ZNF805: variants seen among roughly 807,000 people sequenced by gnomAD.
ZNF805 encodes CTC-444N24.8.
Under a neutral mutation model 13.6 loss-of-function variants are expected in ZNF805, and 7 were observed. The observed-to-expected ratio is 0.51, with a 90% confidence interval of 0.29 to 0.97. ZNF805 has a LOEUF of 0.97. Ranked by LOEUF, ZNF805 falls within the 50% of genes least tolerant of loss-of-function variation. The pLI is 0.08. For missense variants in ZNF805, 604 were observed against 771.0 expected (o/e 0.78, Z 2.57); for synonymous variants, 293 against 279.8 (o/e 1.05, Z -0.47).
chr19:57,254,787 C>G lies in ZNF805; in HGVS notation c.*84C>G. 5 of 1,386,752 alleles carry G rather than the reference C, an allele frequency of 3.6e-6. No individual in the cohort carries two copies. The highest frequency in any genetic ancestry group is 4.9e-6 in the Non-Finnish European group (5 of 1,028,876). 85.9% of individuals were successfully genotyped at this position (1,386,752 alleles called of 1,614,324 possible). On this transcript the variant is annotated 3_prime_UTR_variant, in exon 4 of 4. Coordinates refer to ENST00000414468, the MANE Select transcript of ZNF805 (RefSeq NM_001023563.4). ...GCAGCTTAGAGCCTTATTCTCCATC[C>G]GAATTCATCCTGGAAAAACACCCAG...
At chr19:57,244,853 G>A (rs10426580) in intron 2 of ZNF805, among the ~76,000 whole-genome samples, 70,520 of 151,994 alleles carry the variant, frequency 0.46, 17,053 homozygotes, top group Non-Finnish European at 0.53. Flanking sequence ...TCTGGCCTCT[G>A]TGGGGCGTGT....
chr19:57,261,240 A>T lies in ZNF805; in HGVS notation c.*6537A>T, dbSNP rs1022320798. The T allele has an allele frequency of 6.0e-6, 1 of 167,104 alleles. No homozygotes were observed. Among genetic ancestry groups the T allele is most frequent in the Non-Finnish European group, 1.5e-5 (1 of 68,138 alleles). The allele number at this position is 167,104 out of a possible 1,614,324, so 10.4% of individuals were successfully genotyped here. Reference sequence around the variant, plus strand: ...TTGGCCATTCCTTCAAGCAAATGAGATAAACCAGACTCACTCTTTAATGCC... The same window carrying T: ...TTGGCCATTCCTTCAAGCAAATGAGTTAAACCAGACTCACTCTTTAATGCC... On this transcript the variant is annotated 3_prime_UTR_variant, in exon 4 of 4. Transcript: ENST00000414468.
intron 3 of ZNF805, among the ~76,000 whole-genome samples, chr19:57,250,870 A>G (rs1490645069): frequency 6.6e-6 from 1 of 152,008 alleles, no homozygotes; most frequent in Non-Finnish European, 1.5e-5. Flanking sequence ...TTTTTTCAAG[A>G]GTTTATATTA....
Position 57,253,477 on chromosome 19 carries a change from C to T in ZNF805, c.658C>T (p.Arg220Trp), listed in dbSNP as rs768164594. Residue 220 changes from arginine to tryptophan, a missense_variant, in exon 4 of 4, where the codon CGG becomes TGG. Arg to Trp is a moderately radical substitution (Grantham distance 101). Coordinates refer to ENST00000414468, the MANE Select transcript of ZNF805 (RefSeq NM_001023563.4). This position sits in a 1 kb window ranked among gnomAD's most constrained non-coding sequence, Gnocchi z 4.4. ...GTTTAACAAGAAACGCCTGCTTGCT[C>T]GGCATGAGAGGATTCACTCTGGAGT... ...KVFNKKRLLA[R>W]HERIHSGVKP... is the part of the protein sequence containing the mutation. 9.1e-5 allele frequency: 145 copies of T among 1,600,620 alleles called. No individual in the cohort carries two copies. The highest frequency in any genetic ancestry group is 1.2e-4 in the Non-Finnish European group (137 of 1,172,970).
rs1325186089 is a variant in ZNF805, at chr19:57,256,035, T to TTA, written c.*1333_*1334dup. On this transcript the variant is annotated 3_prime_UTR_variant, in exon 4 of 4. Transcript: ENST00000414468. ...TTTGCTGGGATTTTTTTGGTTATTA[T>TTA]TAATAAGTGTTGAATTTTGTCATAT... Among the ~76,000 whole-genome samples, 1 of 152,148 alleles carries TTA rather than the reference T, an allele frequency of 6.6e-6. No individual in the cohort carries two copies. Among genetic ancestry groups the TTA allele is most frequent in the African/African-American group, 2.4e-5 (1 of 41,454 alleles).
At position 57,254,738 on chromosome 19, in the gene ZNF805, T is replaced by G; in HGVS notation, c.*35T>G. The stretch of plus-strand genomic sequence containing the variant: ...CTGTTGCCAAATGTCATTTGTCACC[T>G]AAGGAGTCATATTAGAAAATCACGC... On this transcript the variant is annotated 3_prime_UTR_variant, in exon 4 of 4. Transcript: ENST00000414468. The G allele has an allele frequency of 6.4e-7, 1 of 1,555,052 alleles. No homozygotes were observed. Among genetic ancestry groups the G allele is most frequent in the Non-Finnish European group, 8.7e-7 (1 of 1,150,200 alleles).
At chr19:57,251,034 A>G (rs951198671) in intron 3 of ZNF805, among the ~76,000 whole-genome samples, 1 of 152,220 alleles carries the variant, frequency 6.6e-6, no homozygotes, top group African/African-American at 2.4e-5. Flanking sequence ...TCATATATTC[A>G]TTCACTGTCT....
intron 3 of ZNF805, among the ~76,000 whole-genome samples, chr19:57,250,952 C>T (rs1253811083): frequency 3.9e-5 from 6 of 151,938 alleles, no homozygotes; most frequent in Non-Finnish European, 4.4e-5. Context: ...CTGTACTCAA[C>T]ATAAAAATAT....
rs2087612048 is a variant in ZNF805, at chr19:57,245,660, T to C, written c.157+1611T>C. Among the ~76,000 whole-genome samples, 3 of 150,550 alleles carry C rather than the reference T, an allele frequency of 2.0e-5. 1 individual carries two copies. Among genetic ancestry groups the C allele is most frequent in the South Asian group, 2.1e-4 (1 of 4,724 alleles). ...CGGGCGTGGTGGCGGGTGCCTGTAGTCCCAGCTACTCGGGAGGCTGAGGCA... is the reference window on the plus strand; with the variant it reads ...CGGGCGTGGTGGCGGGTGCCTGTAGCCCCAGCTACTCGGGAGGCTGAGGCA... On this transcript the variant is annotated intron_variant, in intron 2 of 3. Coordinates refer to ENST00000414468, the MANE Select transcript of ZNF805 (RefSeq NM_001023563.4).
At chr19:57,247,371 G>A (rs975596332) in intron 2 of ZNF805, among the ~76,000 whole-genome samples, 4 of 152,156 alleles carry the variant, frequency 2.6e-5, no homozygotes, top group African/African-American at 4.8e-5. Flanking sequence ...TCTGGTGCTC[G>A]TGGTTTCCTC....
Position 57,258,614 on chromosome 19 carries a change from A to G in ZNF805, c.*3911A>G, listed in dbSNP as rs1465185792. On this transcript the variant is annotated 3_prime_UTR_variant, in exon 4 of 4. Transcript: ENST00000414468. ...TATGAAAAATTTAGCACTTTGATGT[A>G]TAGAAACCTTACTTGGTCCCTTCAC... 8.1e-6 allele frequency among the ~76,000 whole-genome samples: 1 copy of G among 122,974 alleles called. No homozygotes were observed. The highest frequency in any genetic ancestry group is 2.0e-5 in the Non-Finnish European group (1 of 51,188). 80.7% of individuals were successfully genotyped at this position (122,974 alleles called of 152,430 possible). A position where few individuals can be genotyped will look rare whatever the true frequency, so the allele number is the denominator to read the frequency against.
chr19:57,244,070 C>A, intron 2 of ZNF805, 21 bp downstream of exon 2: 1 of 1,609,068 alleles, frequency 6.2e-7, no homozygotes, highest in Admixed American at 1.7e-5. Flanking sequence ...CCCCCTCCAC[C>A]ATGCAGGGGA....
At position 57,254,045 on chromosome 19, in the gene ZNF805, A is replaced by G. The variant is rs1281085566; in HGVS notation, c.1226A>G (p.Asn409Ser). 1.9e-6 allele frequency: 3 copies of G among 1,611,510 alleles called. No individual in the cohort carries two copies. Among genetic ancestry groups the G allele is most frequent in the East Asian group, 2.2e-5 (1 of 44,600 alleles). ...FECLECGKAFNHRSYLKRHQR... is the reference protein window; with the variant it reads ...FECLECGKAFSHRSYLKRHQR... Reference sequence around the variant, plus strand: ...TGCCTCGAGTGTGGGAAGGCTTTCAACCACCGATCCTACCTCAAAAGGCAC... The same window carrying G: ...TGCCTCGAGTGTGGGAAGGCTTTCAGCCACCGATCCTACCTCAAAAGGCAC... The change falls in exon 4 of 4, where the codon AAC (asparagine) becomes AGC (serine). Residue 409 changes from asparagine to serine, a missense_variant. Coordinates refer to ENST00000414468, the MANE Select transcript of ZNF805 (RefSeq NM_001023563.4).
At chr19:57,250,767 AATCG>A (rs1194321369) in intron 3 of ZNF805, among the ~76,000 whole-genome samples, 2 of 152,140 alleles carry the variant, frequency 1.3e-5, no homozygotes, top group African/African-American at 4.8e-5. Flanking sequence ...TCTATTGTTT[AATCG>A]GCAGTCCTTA....
Position 57,260,921 on chromosome 19 carries a change from C to T in ZNF805, c.*6218C>T, listed in dbSNP as rs1045348874. 6.6e-6 allele frequency among the ~76,000 whole-genome samples: 1 copy of T among 152,206 alleles called. No individual in the cohort carries two copies. Among genetic ancestry groups the T allele is most frequent in the African/African-American group, 2.4e-5 (1 of 41,440 alleles). ...ATCAGACATTGTTTCGAATGTTTTA[C>T]ATGCGTCAGCTCTTTTAACCTTTAT... On this transcript the variant is annotated 3_prime_UTR_variant, in exon 4 of 4. Coordinates refer to ENST00000414468, the MANE Select transcript of ZNF805 (RefSeq NM_001023563.4).
At chr19:57,241,703 C>G (rs57844599) in intron 1 of ZNF805, among the ~76,000 whole-genome samples, 1,738 of 89,614 alleles carry the variant, frequency 0.019, 55 homozygotes, top group Middle Eastern at 0.036. Flanking sequence ...CTGGCTCAGC[C>G]CTTCAGACAT....
rs1355706018 is a variant in ZNF805, at chr19:57,256,652, T to TTA, written c.*1951_*1952dup. Among the ~76,000 whole-genome samples, 1 of 152,184 alleles carries TTA rather than the reference T, an allele frequency of 6.6e-6. No homozygotes were observed. Among genetic ancestry groups the TTA allele is most frequent in the African/African-American group, 2.4e-5 (1 of 41,462 alleles). ...CTCTTGATGGCAGCAGGATCTGTACTTATGTTCCTTGTTGTATTCTTGATA... is the reference window on the plus strand; with the variant it reads ...CTCTTGATGGCAGCAGGATCTGTACTTATATGTTCCTTGTTGTATTCTTGATA... On this transcript the variant is annotated 3_prime_UTR_variant, in exon 4 of 4. Transcript: ENST00000414468.
intron 1 of ZNF805, among the ~76,000 whole-genome samples, chr19:57,242,343 C>G (rs1217404045): frequency 3.3e-5 from 5 of 152,094 alleles, no homozygotes; most frequent in African/African-American, 9.7e-5. Context: ...ACTGTGTAGA[C>G]AAAGGCAAAG....
intron 2 of ZNF805, among the ~76,000 whole-genome samples, chr19:57,248,209 T>TAAAAAAAA (rs796135894): frequency 7.3e-6 from 1 of 137,798 alleles, no homozygotes; most frequent in African/African-American, 2.6e-5. Context: ...CTTAGGATGT[T>TAAAAAAAA]AAAAAAAAAA....
Sources: allele counts gnomAD v4.1 joint callset (sites outside exome capture counted in the v4.1 genomes callset), GRCh38; gene constraint gnomAD v4.1.1; non-coding constraint Gnocchi (gnomAD v3.1); transcripts MANE v1.5; gene names NCBI Gene and HGNC (gene_info 2026-07-23, HGNC 2026-07-21).